The following CDK8 variants were observed in gnomAD, a reference collection of about 807,000 sequenced individuals.
The protein encoded by CDK8 is cyclin dependent kinase 8, also known as cyclin-dependent kinase 8.
Under a neutral mutation model 71.5 loss-of-function variants are expected in CDK8, and 29 were observed. That is an observed-to-expected ratio of 0.41 (90% CI 0.30 to 0.55). The LOEUF is 0.55. Ranked by LOEUF, CDK8 falls within the 20% of genes least tolerant of loss-of-function variation. CDK8 has a pLI of 0.37. For missense variants in CDK8, 288 were observed against 572.6 expected (o/e 0.50, Z 5.07); for synonymous variants, 161 against 192.1 (o/e 0.84, Z 1.34).
chr13:26,361,276 T>C (rs542177963), intron 4 of CDK8, among the ~76,000 whole-genome samples: 3 of 152,358 alleles, frequency 2.0e-5, no homozygotes, highest in Admixed American at 2.0e-4. Context: ...CTTGGAACTC[T>C]TCTATTTCAC....
At chr13:26,291,358 G>A (rs1426893558) in intron 1 of CDK8, among the ~76,000 whole-genome samples, 2 of 152,102 alleles carry the variant, frequency 1.3e-5, no homozygotes, top group Non-Finnish European at 2.9e-5. Flanking sequence ...GCTAAGCAAT[G>A]CATGACTATA....
chr13:26,320,851 TA>T (rs1364580128), intron 1 of CDK8, among the ~76,000 whole-genome samples: 1 of 152,032 alleles, frequency 6.6e-6, no homozygotes, highest in East Asian at 1.9e-4. Context: ...ATGGCTACTA[TA>T]AAAAACAAAA....
intron 2 of CDK8, among the ~76,000 whole-genome samples, chr13:26,342,001 A>G (rs1593275669): frequency 6.6e-6 from 1 of 152,026 alleles, no homozygotes; most frequent in South Asian, 2.1e-4. Context: ...GCTCACTGCA[A>G]CCTCCGCCTC....
intron 1 of CDK8, among the ~76,000 whole-genome samples, chr13:26,269,765 A>C (rs555279532): frequency 2.0e-5 from 3 of 152,148 alleles, no homozygotes; most frequent in Non-Finnish European, 4.4e-5. Flanking sequence ...TTTTCAAATG[A>C]GAATGTAGTG....
At chr13:26,334,965 G>T (rs1346942210) in intron 1 of CDK8, among the ~76,000 whole-genome samples, 1 of 152,104 alleles carries the variant, frequency 6.6e-6, no homozygotes, top group Non-Finnish European at 1.5e-5. Flanking sequence ...CGATGGAATA[G>T]ACGTTTCTCC....
chr13:26,280,898 A>G (rs1351435559), intron 1 of CDK8, among the ~76,000 whole-genome samples: 1 of 152,224 alleles, frequency 6.6e-6, no homozygotes, highest in Non-Finnish European at 1.5e-5. Context: ...TCCAGGAACC[A>G]CCACAGGAGT....
chr13:26,392,067 A>G (rs1191308988), intron 6 of CDK8, among the ~76,000 whole-genome samples: 1 of 152,176 alleles, frequency 6.6e-6, no homozygotes, highest in Non-Finnish European at 1.5e-5. Context: ...AGTCAGTCAA[A>G]AACCATGTGT....
rs766032166 is a variant in CDK8, at chr13:26,404,559, T to C, written c.*478T>C. The C allele has an allele frequency of 4.3e-6, 1 of 232,790 alleles. No individual in the cohort carries two copies. The highest frequency in any genetic ancestry group is 8.5e-6 in the Non-Finnish European group (1 of 117,886). 14.4% of individuals were successfully genotyped at this position (232,790 alleles called of 1,614,324 possible). A position where few individuals can be genotyped will look rare whatever the true frequency, so the allele number is the denominator to read the frequency against. ...AAGACTCGAAATGAGATTATTTTGG[T>C]ACACCTTTCTTTTTAGTGTCTTATC... On this transcript the variant is annotated 3_prime_UTR_variant, in exon 13 of 13. Coordinates refer to ENST00000381527, the MANE Select transcript of CDK8 (RefSeq NM_001260.3).
intron 1 of CDK8, among the ~76,000 whole-genome samples, chr13:26,335,920 TAACAACAACAACAAC>T (rs71080255): frequency 1.3e-4 from 20 of 150,088 alleles, no homozygotes; most frequent in South Asian, 8.5e-4. Context: ...TTCTCTTGCT[TAACAACAACAACAAC>T]AACAACAACA....
chr13:26,309,735 G>A (rs1874202177), intron 1 of CDK8, among the ~76,000 whole-genome samples: 1 of 152,020 alleles, frequency 6.6e-6, no homozygotes, highest in East Asian at 1.9e-4. Flanking sequence ...TATCTGTTCT[G>A]TGTTCAAGAC....
chr13:26,334,230 G>A (rs1027274703), intron 1 of CDK8, among the ~76,000 whole-genome samples: 1 of 152,096 alleles, frequency 6.6e-6, no homozygotes, highest in Non-Finnish European at 1.5e-5. Context: ...AGAGAAAGTG[G>A]TGGATATTAA....
chr13:26,300,600 A>C (rs1873779648), intron 1 of CDK8, among the ~76,000 whole-genome samples: 1 of 152,168 alleles, frequency 6.6e-6, no homozygotes, highest in Non-Finnish European at 1.5e-5. Context: ...AAAGTAGAAA[A>C]ATGTAATCAG....
In CDK8 at chr13:26,257,894, TTGTG is replaced by T. The variant is rs34745022; in HGVS notation, c.128+3150_128+3153del. On this transcript the variant is annotated intron_variant, in intron 1 of 12. Coordinates refer to ENST00000381527, the MANE Select transcript of CDK8 (RefSeq NM_001260.3). ...TTATGAGTGAGGAATGAGTGTGTGT[TTGTG>T]TGTGTGTGTGTGTGTGTGTGTGTGA... Among the ~76,000 whole-genome samples, 456 of 148,724 alleles carry T rather than the reference TTGTG, an allele frequency of 3.1e-3. 3 individuals carry two copies. The highest frequency in any genetic ancestry group is 9.2e-3 in the African/African-American group (359 of 39,090).
At chr13:26,335,920 T>TAATAAC (rs370234816) in intron 1 of CDK8, among the ~76,000 whole-genome samples, 176 of 150,086 alleles carry the variant, frequency 1.2e-3, no homozygotes, top group African/African-American at 4.0e-3. Context: ...TTCTCTTGCT[T>TAATAAC]AACAACAACA....
intron 1 of CDK8, among the ~76,000 whole-genome samples, chr13:26,322,531 G>A (rs114728958): frequency 0.014 from 2,129 of 152,102 alleles, 44 homozygotes; most frequent in African/African-American, 0.049. Flanking sequence ...GTGAGTGGGA[G>A]GAGACAGGGA....
chr13:26,356,512 A>G (rs1873905513), intron 4 of CDK8, among the ~76,000 whole-genome samples: 1 of 152,164 alleles, frequency 6.6e-6, no homozygotes, highest in Non-Finnish European at 1.5e-5. Flanking sequence ...GTTTCATGAA[A>G]ATGATAGCCT....
intron 1 of CDK8, among the ~76,000 whole-genome samples, chr13:26,329,469 G>GTTTTTT (rs35796023): frequency 2.8e-5 from 2 of 71,562 alleles, no homozygotes; most frequent in African/African-American, 4.0e-5. Context: ...GCCTATTTCT[G>GTTTTTT]TTTTTTTTTT....
At position 26,363,527 on chromosome 13, in the gene CDK8, TG is replaced by T. The variant is rs1874246965; in HGVS notation, c.456+9648del. ...ATTTTGGAAAAAATAAGCTTTTTTT[TG>T]TTTGTTTGTTTTTGGTAGAGATGAG... is the stretch of plus-strand genomic sequence containing the variant. On this transcript the variant is annotated intron_variant, in intron 4 of 12. Transcript: ENST00000381527. Among the ~76,000 whole-genome samples, 4 of 151,962 alleles carry T rather than the reference TG, an allele frequency of 2.6e-5. No homozygotes were observed. In the South Asian group the frequency reaches 8.3e-4, roughly 32 times the overall value.
At chr13:26,264,015 G>C (rs1487867339) in intron 1 of CDK8, among the ~76,000 whole-genome samples, 12 of 152,288 alleles carry the variant, frequency 7.9e-5, no homozygotes, top group Admixed American at 5.9e-4. Flanking sequence ...CCAAAGTGCT[G>C]GGATTACTGG....
Sources: gnomAD v4.1 joint callset for allele counts (sites outside exome capture counted in the v4.1 genomes callset) on GRCh38, gnomAD v4.1.1 for gene constraint, MANE v1.5 for transcripts, NCBI Gene and HGNC (gene_info 2026-07-23, HGNC 2026-07-21) for gene names.